The following LRRC3B variants were observed in gnomAD, a reference collection of about 807,000 sequenced individuals.
The protein encoded by LRRC3B is leucine-rich repeat-containing protein 3B.
In LRRC3B, 2 loss-of-function variants were observed where a neutral mutation model predicts 12.8. The observed-to-expected ratio is 0.16, with a 90% CI of 0.06 to 0.49. The LOEUF is 0.49. Among genes scored for constraint, LRRC3B ranks in the 20% least tolerant of loss-of-function variants. The pLI is 0.96. For missense variants in LRRC3B, 189 were observed against 319.4 expected, an observed-to-expected ratio of 0.59 and a Z score of 3.11; for synonymous variants, 132 against 122.0, an observed-to-expected ratio of 1.08 and a Z score of -0.54.
chr3:26,705,246 C>A (rs1247936534), intron 1 of LRRC3B, among the ~76,000 whole-genome samples: 1 of 152,052 alleles, frequency 6.6e-6, no homozygotes, highest in Non-Finnish European at 1.5e-5. Flanking sequence ...ACTGCTGATG[C>A]GCAGTAACCT....
intron 1 of LRRC3B, among the ~76,000 whole-genome samples, chr3:26,688,317 G>T (rs1489742621): frequency 1.3e-5 from 2 of 152,176 alleles, no homozygotes. Flanking sequence ...ATTTGCTACT[G>T]CTTTGTGCCA....
chr3:26,677,285 A>T (rs1386997327), intron 1 of LRRC3B, among the ~76,000 whole-genome samples: 1 of 152,178 alleles, frequency 6.6e-6, no homozygotes, highest in East Asian at 1.9e-4. Context: ...GAGGGTTGAT[A>T]CTGAAAATAA....
chr3:26,687,265 A>G (rs1463866362), intron 1 of LRRC3B, among the ~76,000 whole-genome samples: 1 of 152,156 alleles, frequency 6.6e-6, no homozygotes, highest in Non-Finnish European at 1.5e-5. Flanking sequence ...ATCCTTTAGG[A>G]TTTTGATACA....
intron 1 of LRRC3B, among the ~76,000 whole-genome samples, chr3:26,669,979 A>G (rs1251424738): frequency 6.6e-6 from 1 of 152,140 alleles, no homozygotes; most frequent in Non-Finnish European, 1.5e-5. Flanking sequence ...ATAATATGCT[A>G]CTTCCCCTTC....
intron 1 of LRRC3B, among the ~76,000 whole-genome samples, chr3:26,636,978 C>CTCTCTCTCTT (rs1553601419): frequency 0.023 from 1,981 of 86,884 alleles, 20 homozygotes; most frequent in Middle Eastern, 0.05. Flanking sequence ...TTCTTTCTCT[C>CTCTCTCTCTT]TCTCTCTTTC....
chr3:26,654,692 G>T (rs1425699154), intron 1 of LRRC3B, among the ~76,000 whole-genome samples: 1 of 152,218 alleles, frequency 6.6e-6, no homozygotes, highest in Non-Finnish European at 1.5e-5. Context: ...AGGAGCAGCA[G>T]GGGAGAATAT....
chr3:26,630,214 C>T (rs1390400302), intron 1 of LRRC3B, among the ~76,000 whole-genome samples: 1 of 152,148 alleles, frequency 6.6e-6, no homozygotes, highest in Non-Finnish European at 1.5e-5. Context: ...GGCAGCCTAG[C>T]TCCCCAGCCA....
chr3:26,710,299 C>T, exon 2 of LRRC3B: 1 of 1,614,032 alleles, frequency 6.2e-7, no homozygotes, highest in Non-Finnish European at 8.5e-7. Flanking sequence ...TGCTGGTCAC[C>T]ATGTTTGGCT....
At chr3:26,623,910 T>G (rs1698563249) in intron 1 of LRRC3B, 1 of 152,232 alleles carries the variant, frequency 6.6e-6, no homozygotes, top group Admixed American at 6.6e-5. Flanking sequence ...GCTCGTGCGG[T>G]GGAGGAGGAA....
intron 1 of LRRC3B, among the ~76,000 whole-genome samples, chr3:26,650,393 G>C (rs78465724): frequency 6.6e-6 from 1 of 152,230 alleles, no homozygotes; most frequent in Non-Finnish European, 1.5e-5. Flanking sequence ...AGGTCCAAGA[G>C]GGAGAGTGTA....
intron 1 of LRRC3B, among the ~76,000 whole-genome samples, chr3:26,701,547 G>A (rs550215556): frequency 6.6e-6 from 1 of 152,176 alleles, no homozygotes; most frequent in African/African-American, 2.4e-5. Flanking sequence ...CTCGCTCCTT[G>A]AAAATCTCTT....
intron 1 of LRRC3B, among the ~76,000 whole-genome samples, chr3:26,644,495 A>G (rs1377672065): frequency 6.6e-6 from 1 of 152,212 alleles, no homozygotes; most frequent in East Asian, 1.9e-4. Context: ...CATTTAAATG[A>G]GGAAAAATTA....
At chr3:26,678,310 A>G (rs1318467243) in intron 1 of LRRC3B, among the ~76,000 whole-genome samples, 3 of 152,028 alleles carry the variant, frequency 2.0e-5, no homozygotes, top group Admixed American at 6.5e-5. Flanking sequence ...CCTGGTCAAC[A>G]TGACAAAACC....
intron 1 of LRRC3B, among the ~76,000 whole-genome samples, chr3:26,673,916 C>G (rs1699804574): frequency 6.6e-6 from 1 of 152,196 alleles, no homozygotes; most frequent in South Asian, 2.1e-4. Flanking sequence ...ATTGGAAAGC[C>G]AGCCAGACTG....
chr3:26,705,035 G>C (rs559470892), intron 1 of LRRC3B, among the ~76,000 whole-genome samples: 1 of 152,114 alleles, frequency 6.6e-6, no homozygotes, highest in Non-Finnish European at 1.5e-5. Context: ...ACTTATCTCA[G>C]AAGGGTTAAT....
chr3:26,636,920 T>TTCTC lies in LRRC3B; in HGVS notation c.-161+13686_-161+13687insCTCT, dbSNP rs1376957919. ...TCTCTCTCTTTCTCTCTTTCTCTCT[T>TTCTC]TCTTTCTTTCTTTCTTTCTTTCTTT... On this transcript the variant is annotated intron_variant, in intron 1 of 1. Transcript: ENST00000396641. 1.2e-3 allele frequency among the ~76,000 whole-genome samples: 54 copies of TTCTC among 46,170 alleles called. 1 individual carries two copies. The highest frequency in any genetic ancestry group is 4.3e-3 in the African/African-American group (24 of 5,608). 30.3% of individuals were successfully genotyped at this position (46,170 alleles called of 152,430 possible). A position where few individuals can be genotyped will look rare whatever the true frequency, so the allele number is the denominator to read the frequency against.
chr3:26,707,766 T>A (rs1021822468), intron 1 of LRRC3B, among the ~76,000 whole-genome samples: 2 of 88,672 alleles, frequency 2.3e-5, no homozygotes, highest in African/African-American at 1.3e-4. Flanking sequence ...CTCTCTTCCC[T>A]TCCACACCTG....
At chr3:26,682,925 T>C (rs1474175074) in intron 1 of LRRC3B, among the ~76,000 whole-genome samples, 2 of 152,244 alleles carry the variant, frequency 1.3e-5, no homozygotes, top group Non-Finnish European at 2.9e-5. Context: ...TTTTCTAATT[T>C]ATACCCTGTG....
At chr3:26,626,078 G>T (rs536849280) in intron 1 of LRRC3B, among the ~76,000 whole-genome samples, 15 of 152,114 alleles carry the variant, frequency 9.9e-5, no homozygotes, top group African/African-American at 3.4e-4. Context: ...AAACTGCAGC[G>T]GCGTACTATA....
Sources: gnomAD v4.1 joint callset for allele counts (sites outside exome capture counted in the v4.1 genomes callset) on GRCh38, gnomAD v4.1.1 for gene constraint, MANE v1.5 for transcripts, NCBI Gene and HGNC (gene_info 2026-07-23, HGNC 2026-07-21) for gene names.